The following AGAP1 variants were observed in gnomAD, a reference collection of about 807,000 sequenced individuals.
The protein encoded by AGAP1 is ArfGAP with GTPase domain, ankyrin repeat and PH domain 1, also known as arf-GAP with GTPase, ANK repeat and PH domain-containing protein 1.
In AGAP1, 29 loss-of-function variants were observed where a neutral mutation model predicts 105.3. The ratio of observed to expected loss-of-function variants is 0.28; its 90% confidence interval spans 0.21 to 0.38. The LOEUF (loss-of-function observed/expected upper bound fraction) is 0.38. AGAP1 is among the 10% of genes least tolerant of loss of function. The pLI is 1.00. For missense variants in AGAP1, 998 were observed against 1,165.1 expected, an observed-to-expected ratio of 0.86 and a Z score of 2.09; for synonymous variants, 509 against 485.9, an observed-to-expected ratio of 1.05 and a Z score of -0.63.
rs1320756901 is a variant in AGAP1, at chr2:235,931,000, C to T, written c.1483+77C>T. On this transcript the variant is annotated intron_variant, in intron 12 of 17. Coordinates refer to ENST00000304032, the MANE Select transcript of AGAP1 (RefSeq NM_001037131.3). The surrounding 1 kb of genome is among the most constrained non-coding windows in gnomAD (Gnocchi z 7.9). Reference sequence around the variant, plus strand: ...TGTAAGCCAGGGGCTGGACAGGACGCCCTAAGCTCTCATGCTCCTCTGGGA... The same window carrying T: ...TGTAAGCCAGGGGCTGGACAGGACGTCCTAAGCTCTCATGCTCCTCTGGGA... The T allele has an allele frequency of 6.6e-7, 1 of 1,512,722 alleles. No individual in the cohort carries two copies. The highest frequency in any genetic ancestry group is 2.3e-5 in the East Asian group (1 of 42,800). The allele number at this position is 1,512,722 out of a possible 1,614,324, so 93.7% of individuals were successfully genotyped here. A position where few individuals can be genotyped will look rare whatever the true frequency, so the allele number is the denominator to read the frequency against.
chr2:236,123,839 AG>A lies in AGAP1; in HGVS notation c.2371-77del. The A allele has an allele frequency of 6.5e-7, 1 of 1,549,872 alleles. No homozygotes were observed. Among genetic ancestry groups the A allele is most frequent in the Admixed American group, 1.8e-5 (1 of 56,636 alleles). On this transcript the variant is annotated intron_variant, in intron 17 of 17. Transcript: ENST00000304032. This position sits in a 1 kb window ranked among gnomAD's most constrained non-coding sequence, Gnocchi z 4.6. Reference sequence around the variant, plus strand: ...GCTGTCCAAGCACAAGCCACATGCAAGGGCTGAGAGAAAGCTTCCCTGCCCC... The same window carrying A: ...GCTGTCCAAGCACAAGCCACATGCAAGGCTGAGAGAAAGCTTCCCTGCCCC...
chr2:235,593,675 T>C (rs893504193), intron 1 of AGAP1, among the ~76,000 whole-genome samples: 5 of 152,094 alleles, frequency 3.3e-5, no homozygotes, highest in African/African-American at 1.2e-4. Context: ...GCTAATTCAG[T>C]AATAAGGACT....
In AGAP1 at chr2:235,801,027, C is replaced by G. The variant is rs1404888357; in HGVS notation, c.957+1505C>G. On this transcript the variant is annotated intron_variant, in intron 8 of 17. Transcript: ENST00000304032. This position sits in a 1 kb window ranked among gnomAD's most constrained non-coding sequence, Gnocchi z 6.0. The stretch of plus-strand genomic sequence containing the variant: ...TCTGGGAGATCCCCCGCCCCTCTGC[C>G]ACATGTCTGGGGCAGTCTCTCATTG... 6.6e-6 allele frequency among the ~76,000 whole-genome samples: 1 copy of G among 152,148 alleles called. No homozygotes were observed. Among genetic ancestry groups the G allele is most frequent in the African/African-American group, 2.4e-5 (1 of 41,420 alleles).
At chr2:235,570,251 C>G (rs866089730) in intron 1 of AGAP1, among the ~76,000 whole-genome samples, 1 of 152,170 alleles carries the variant, frequency 6.6e-6, no homozygotes, top group African/African-American at 2.4e-5. Flanking sequence ...GAGCAGTCCC[C>G]GGCTAGCGGC....
Position 235,692,301 on chromosome 2 carries a change from A to G in AGAP1, c.164-16878A>G, listed in dbSNP as rs62189239. On this transcript the variant is annotated intron_variant, in intron 1 of 17. Transcript: ENST00000304032. The surrounding 1 kb of genome is among the most constrained non-coding windows in gnomAD (Gnocchi z 5.8). ...TAACAGAACGTGGCCCCTGCCTTCC[A>G]TCTTCCCCAGGGTGCCAGTGGGGAC... Among the ~76,000 whole-genome samples the G allele has an allele frequency of 0.18, 27,702 of 151,764 alleles. 3,059 individuals carry two copies. Among genetic ancestry groups the G allele is most frequent in the Admixed American group, 0.33 (5,101 of 15,262 alleles).
At chr2:235,806,254 G>A (rs1957828703) in intron 8 of AGAP1, among the ~76,000 whole-genome samples, 1 of 152,252 alleles carries the variant, frequency 6.6e-6, no homozygotes, top group South Asian at 2.1e-4. Context: ...ACGTGAAAAT[G>A]TTTCTCCATT....
chr2:235,561,903 T>C (rs1386782536), intron 1 of AGAP1, among the ~76,000 whole-genome samples: 1 of 152,172 alleles, frequency 6.6e-6, no homozygotes, highest in Non-Finnish European at 1.5e-5. Context: ...CTGTCATATT[T>C]TACAAAATTC....
intron 1 of AGAP1, among the ~76,000 whole-genome samples, chr2:235,562,471 G>T (rs1389614846): frequency 6.6e-6 from 1 of 152,084 alleles, no homozygotes; most frequent in East Asian, 1.9e-4. Context: ...AGCATGGTGT[G>T]TGAGACTGCT....
rs1381803531 is a variant in AGAP1 at position 236,009,148 on chromosome 2, A to G, written c.1646-27413A>G. ...TAAAGTAGTGAGTTCACATAGTCGA[A>G]GAATCTTCTGGGTTGCATCTTATGA... On this transcript the variant is annotated intron_variant, in intron 13 of 17. Transcript: ENST00000304032. The surrounding 1 kb of genome is among the most constrained non-coding windows in gnomAD (Gnocchi z 4.2). Among the ~76,000 whole-genome samples, 3 of 152,232 alleles carry G rather than the reference A, an allele frequency of 2.0e-5. No individual in the cohort carries two copies. Among genetic ancestry groups the G allele is most frequent in the Non-Finnish European group, 4.4e-5 (3 of 68,036 alleles).
chr2:235,630,256 C>T (rs1171619697), intron 1 of AGAP1, among the ~76,000 whole-genome samples: 1 of 152,054 alleles, frequency 6.6e-6, no homozygotes, highest in Non-Finnish European at 1.5e-5. Context: ...CTCTGTTGCC[C>T]AGGCTGGAGT....
rs956228520 is a variant in AGAP1, at chr2:235,517,456, A to G, written c.163+22607A>G. Among the ~76,000 whole-genome samples the G allele has an allele frequency of 6.6e-6, 1 of 152,170 alleles. No homozygotes were observed. On this transcript the variant is annotated intron_variant, in intron 1 of 17. Transcript: ENST00000304032. The surrounding 1 kb of genome is among the most constrained non-coding windows in gnomAD (Gnocchi z 4.1). ...GGCTTTGACGACATAGCTGTGCCCA[A>G]CGTAGATCTTTATGGTAATTTTATT... is the stretch of plus-strand genomic sequence containing the variant.
chr2:236,013,146 T>A (rs2056575418), intron 13 of AGAP1, among the ~76,000 whole-genome samples: 2 of 152,232 alleles, frequency 1.3e-5, no homozygotes, highest in South Asian at 4.1e-4. Flanking sequence ...TAGTTTTTAC[T>A]TGTGAATAAT....
At chr2:235,974,437 A>T (rs1450694706) in intron 13 of AGAP1, among the ~76,000 whole-genome samples, 4 of 152,256 alleles carry the variant, frequency 2.6e-5, no homozygotes, top group African/African-American at 9.6e-5. Context: ...CAATCTTATT[A>T]TACAAGAGGG....
intron 1 of AGAP1, among the ~76,000 whole-genome samples, chr2:235,630,336 G>A (rs1039054937): frequency 1.3e-5 from 2 of 151,864 alleles, no homozygotes; most frequent in Middle Eastern, 6.3e-3. Context: ...TCAACCTCCC[G>A]AGTAGTTGGG....
chr2:235,843,974 G>A lies in AGAP1; in HGVS notation c.1050+36643G>A, dbSNP rs72985018. Among the ~76,000 whole-genome samples, 51 of 152,292 alleles carry A rather than the reference G, an allele frequency of 3.3e-4. No homozygotes were observed. Among genetic ancestry groups the A allele is most frequent in the Non-Finnish European group, 5.9e-4 (40 of 68,026 alleles). On this transcript the variant is annotated intron_variant, in intron 9 of 17. Transcript: ENST00000304032. The surrounding 1 kb of genome is among the most constrained non-coding windows in gnomAD (Gnocchi z 5.9). ...ATCAGTGTCACTCAGGACCTTGCCC[G>A]CTGCCCCAGCTCAGAGCTTGAACCT...
intron 6 of AGAP1, among the ~76,000 whole-genome samples, chr2:235,795,987 A>G (rs945482054): frequency 6.6e-6 from 1 of 152,224 alleles, no homozygotes; most frequent in Non-Finnish European, 1.5e-5. Flanking sequence ...ATCTTCCCTT[A>G]GTTTCTACAA....
At position 236,129,064 on chromosome 2, in the gene AGAP1, A is replaced by G. The variant is rs1170458301; in HGVS notation, c.*4942A>G. ...CACATGTTGTGAAGTCACATCTTGA[A>G]TGACTGTCACCCTCATCCTTCCCCA... On this transcript the variant is annotated 3_prime_UTR_variant, in exon 18 of 18. Coordinates refer to ENST00000304032, the MANE Select transcript of AGAP1 (RefSeq NM_001037131.3). The surrounding 1 kb of genome is among the most constrained non-coding windows in gnomAD (Gnocchi z 6.2). 1 of 152,212 alleles carries G rather than the reference A, an allele frequency of 6.6e-6. No homozygotes were observed. Among genetic ancestry groups the G allele is most frequent in the Non-Finnish European group, 1.5e-5 (1 of 68,044 alleles). 9.4% of individuals were successfully genotyped at this position (152,212 alleles called of 1,614,324 possible).
At chr2:235,507,049 T>G in intron 1 of AGAP1, 1 of 153,236 alleles carries the variant, frequency 6.5e-6, no homozygotes. Flanking sequence ...CGACCCTGAC[T>G]TAGGACCTCC....
intron 9 of AGAP1, among the ~76,000 whole-genome samples, chr2:235,881,820 G>C (rs1373425799): frequency 6.6e-6 from 1 of 152,166 alleles, no homozygotes; most frequent in Non-Finnish European, 1.5e-5. Flanking sequence ...AAAATGTGTT[G>C]GTTTCAAATT....
Sources: allele counts gnomAD v4.1 joint callset (sites outside exome capture counted in the v4.1 genomes callset), GRCh38; gene constraint gnomAD v4.1.1; non-coding constraint Gnocchi (gnomAD v3.1); transcripts MANE v1.5; gene names NCBI Gene and HGNC (gene_info 2026-07-23, HGNC 2026-07-21).